ADARB2: variants seen among roughly 807,000 people sequenced by gnomAD.
The protein encoded by ADARB2 is inactive double-stranded RNA-specific editase B2.
In ADARB2, 25 loss-of-function variants were observed where a neutral mutation model predicts 62.2. The observed-to-expected ratio is 0.40, with a 90% CI of 0.29 to 0.56. The LOEUF is 0.56. ADARB2 is among the 20% of genes least tolerant of loss of function. ADARB2 has a pLI of 0.43. For missense variants in ADARB2, 1,071 were observed against 1,077.4 expected (o/e 0.99, Z 0.08); for synonymous variants, 572 against 500.8 (o/e 1.14, Z -1.90).
chr10:1,718,086 G>A (rs778922144), intron 1 of ADARB2, among the ~76,000 whole-genome samples: 3 of 152,116 alleles, frequency 2.0e-5, no homozygotes, highest in Admixed American at 6.5e-5. Flanking sequence ...GAGGGAGGGA[G>A]GAGGAGGAAA....
At chr10:1,606,356 AG>A (rs5782587) in intron 1 of ADARB2, among the ~76,000 whole-genome samples, 34,424 of 152,118 alleles carry the variant, frequency 0.23, 3,892 homozygotes, top group South Asian at 0.27. Flanking sequence ...GCAAGCTCCC[AG>A]GTAACCCTGG....
chr10:1,389,919 T>C (rs1488223183), intron 1 of ADARB2, among the ~76,000 whole-genome samples: 1 of 152,160 alleles, frequency 6.6e-6, no homozygotes, highest in Non-Finnish European at 1.5e-5. Context: ...CATACACCTT[T>C]CCTACGAATT....
chr10:1,552,301 G>A (rs957789592), intron 1 of ADARB2, among the ~76,000 whole-genome samples: 4 of 152,222 alleles, frequency 2.6e-5, no homozygotes, highest in Non-Finnish European at 2.9e-5. Flanking sequence ...TTCACTGCAC[G>A]CTCCCTCCTC....
intron 6 of ADARB2, among the ~76,000 whole-genome samples, chr10:1,229,037 G>A (rs370374757): frequency 3.0e-4 from 46 of 152,308 alleles, no homozygotes; most frequent in African/African-American, 1.0e-3. Context: ...GTAAACACTG[G>A]CCTGGGACCC....
Position 1,704,895 on chromosome 10 carries a change from C to A in ADARB2, c.100+32156G>T, listed in dbSNP as rs115521742. Among the ~76,000 whole-genome samples the A allele has an allele frequency of 5.9e-4, 90 of 152,174 alleles. No homozygotes were observed. The highest frequency in any genetic ancestry group is 2.1e-3 in the African/African-American group (88 of 41,502). ...GGAGCCCAGCAGTTTATCATTTGAG[C>A]AGGAAAAGGGTGCAGGGGAGACCAT... is the stretch of plus-strand genomic sequence containing the variant. On this transcript the variant is annotated intron_variant, in intron 1 of 9. Transcript: ENST00000381312. This position sits in a 1 kb window ranked among gnomAD's most constrained non-coding sequence, Gnocchi z 5.6.
At chr10:1,185,399 C>A (rs987962778) in intron 8 of ADARB2, among the ~76,000 whole-genome samples, 1 of 152,204 alleles carries the variant, frequency 6.6e-6, no homozygotes, top group African/African-American at 2.4e-5. Context: ...TTATCAGGCA[C>A]CTTTGCAGGC....
chr10:1,394,451 C>T (rs1363670473), intron 1 of ADARB2, among the ~76,000 whole-genome samples: 2 of 152,202 alleles, frequency 1.3e-5, no homozygotes, highest in East Asian at 3.8e-4. Flanking sequence ...CAGCCTGCTC[C>T]TGCTGCTTCG....
intron 1 of ADARB2, among the ~76,000 whole-genome samples, chr10:1,681,631 T>G (rs1476921876): frequency 1.3e-5 from 2 of 151,984 alleles, no homozygotes; most frequent in East Asian, 3.9e-4. Context: ...CAGGGCATGG[T>G]CCTGTGGTTT....
chr10:1,554,815 G>C (rs1383061876), intron 1 of ADARB2, among the ~76,000 whole-genome samples: 1 of 152,250 alleles, frequency 6.6e-6, no homozygotes, highest in East Asian at 1.9e-4. Context: ...GTGTGACGCT[G>C]AGGTTTGGGA....
intron 1 of ADARB2, among the ~76,000 whole-genome samples, chr10:1,610,100 TGA>T (rs1766661926): frequency 6.6e-6 from 1 of 152,210 alleles, no homozygotes; most frequent in African/African-American, 2.4e-5. Flanking sequence ...TGTTTTATTA[TGA>T]GAGGCCCAAT....
chr10:1,470,776 C>T lies in ADARB2; in HGVS notation c.101-91616G>A, dbSNP rs532063126. 9.2e-5 allele frequency among the ~76,000 whole-genome samples: 14 copies of T among 152,326 alleles called. No individual in the cohort carries two copies. In the South Asian group the frequency reaches 2.1e-3, roughly 23 times the overall value. ...CCTCCTGGCCAGGGGCGGTGGCTCACGCCTATAATCCCAGCACTTTGGGAG... is the reference window on the plus strand; with the variant it reads ...CCTCCTGGCCAGGGGCGGTGGCTCATGCCTATAATCCCAGCACTTTGGGAG... On this transcript the variant is annotated intron_variant, in intron 1 of 9. Coordinates refer to ENST00000381312, the MANE Select transcript of ADARB2 (RefSeq NM_018702.4).
At chr10:1,250,200 C>T (rs1253345577) in intron 4 of ADARB2, among the ~76,000 whole-genome samples, 5 of 151,320 alleles carry the variant, frequency 3.3e-5, no homozygotes, top group Non-Finnish European at 7.4e-5. Flanking sequence ...GACAAGACAC[C>T]TGGTTAAAAA....
At chr10:1,611,927 C>T (rs558027335) in intron 1 of ADARB2, among the ~76,000 whole-genome samples, 6 of 152,130 alleles carry the variant, frequency 3.9e-5, no homozygotes, top group Non-Finnish European at 8.8e-5. Context: ...GGGCCTCTTC[C>T]CGCCCCCACC....
At chr10:1,510,096 T>TCTTTCTCTC in intron 1 of ADARB2, among the ~76,000 whole-genome samples, 1 of 124,760 alleles carries the variant, frequency 8.0e-6, no homozygotes, top group South Asian at 2.7e-4. Flanking sequence ...TCTCTCTCTC[T>TCTTTCTCTC]TTTCTTTCTT....
At chr10:1,701,973 T>G (rs1461805503) in intron 1 of ADARB2, among the ~76,000 whole-genome samples, 1 of 152,028 alleles carries the variant, frequency 6.6e-6, no homozygotes, top group African/African-American at 2.4e-5. Context: ...ATGCTTGGCT[T>G]GAGGGAAATG....
In ADARB2 at chr10:1,668,602, C is replaced by T. The variant is rs542888355; in HGVS notation, c.100+68449G>A. Among the ~76,000 whole-genome samples the T allele has an allele frequency of 4.6e-5, 7 of 152,266 alleles. No individual in the cohort carries two copies. The South Asian group carries it at 1.2e-3, about 27-fold the overall frequency. ...GAATCACCCACGTTCAGGTCAAGAACTCAAACAGCAAATAGCAATTAGGGC... is the reference window on the plus strand; with the variant it reads ...GAATCACCCACGTTCAGGTCAAGAATTCAAACAGCAAATAGCAATTAGGGC... On this transcript the variant is annotated intron_variant, in intron 1 of 9. Coordinates refer to ENST00000381312, the MANE Select transcript of ADARB2 (RefSeq NM_018702.4).
chr10:1,731,565 T>C (rs942002841), intron 1 of ADARB2, among the ~76,000 whole-genome samples: 1 of 152,260 alleles, frequency 6.6e-6, no homozygotes, highest in African/African-American at 2.4e-5. Flanking sequence ...TGGTATGTTC[T>C]TAATTGAGTT....
intron 1 of ADARB2, among the ~76,000 whole-genome samples, chr10:1,427,987 CAG>C (rs1419902636): frequency 6.7e-6 from 1 of 149,284 alleles, no homozygotes; most frequent in Non-Finnish European, 1.5e-5. Context: ...TTTTTTGAGA[CAG>C]AGTCTCATTC....
At chr10:1,213,885 C>T (rs1230024021) in intron 7 of ADARB2, among the ~76,000 whole-genome samples, 3 of 151,934 alleles carry the variant, frequency 2.0e-5, no homozygotes, top group Admixed American at 6.6e-5. Flanking sequence ...TGGGTTTGCA[C>T]CTGTGCCCGG....
Sources: gnomAD v4.1 joint callset for allele counts (sites outside exome capture counted in the v4.1 genomes callset) on GRCh38, gnomAD v4.1.1 for gene constraint, Gnocchi (gnomAD v3.1) non-coding constraint, MANE v1.5 for transcripts, NCBI Gene and HGNC (gene_info 2026-07-23, HGNC 2026-07-21) for gene names.